GNPTG: variants seen among roughly 807,000 people sequenced by gnomAD.
GNPTG encodes the protein N-acetylglucosamine-1-phosphotransferase subunit gamma.
GNPTG carries 46 observed loss-of-function variants against 43.8 expected under a neutral mutation model. That is an observed-to-expected ratio of 1.05 (90% CI 0.83 to 1.34). GNPTG has a LOEUF of 1.34. Ranked by LOEUF, GNPTG falls within the 40% of genes most tolerant of loss-of-function variation. GNPTG has a pLI of 0.00. For missense variants in GNPTG, 549 were observed against 411.3 expected, an observed-to-expected ratio of 1.33 and a Z score of -2.90; for synonymous variants, 250 against 172.8, an observed-to-expected ratio of 1.45 and a Z score of -3.50.
rs2034901171 is a variant in GNPTG, at chr16:1,362,131, G to A, written c.411G>A (p.Lys137=). ...DACRSRSRQS[K]VELACGKSNR... ...GCCGTTCCCGGAGCCGGCAGAGCAA[G>A]GTGGGGCCTCAGACGGGAGCCCGGG... Residue 137 remains lysine, a splice_region_variant and synonymous_variant, in exon 6 of 11, where the codon AAG becomes AAA. Transcript: ENST00000204679. 6.2e-7 allele frequency: 1 copy of A among 1,612,476 alleles called. No individual in the cohort carries two copies. Among genetic ancestry groups the A allele is most frequent in the African/African-American group, 1.3e-5 (1 of 74,908 alleles).
At chr16:1,359,915 T>C (rs1372573768) in intron 3 of GNPTG, among the ~76,000 whole-genome samples, 2 of 151,728 alleles carry the variant, frequency 1.3e-5, no homozygotes, top group Non-Finnish European at 2.9e-5. Context: ...TTTGAGACCA[T>C]CCTGGCCAAC....
In GNPTG at chr16:1,362,190, C is replaced by G. The variant is rs756307321; in HGVS notation, c.412-16C>G. Reference sequence around the variant, plus strand: ...CCCCAGTCTCCCCAACCCACCTACCCACGTTCCCTCCCCAGGTGGAGCTGG... The same window carrying G: ...CCCCAGTCTCCCCAACCCACCTACCGACGTTCCCTCCCCAGGTGGAGCTGG... On this transcript the variant is annotated splice_polypyrimidine_tract_variant and intron_variant, in intron 6 of 10. Coordinates refer to ENST00000204679, the MANE Select transcript of GNPTG (RefSeq NM_032520.5). 4 of 1,613,306 alleles carry G rather than the reference C, an allele frequency of 2.5e-6. No homozygotes were observed. Among genetic ancestry groups the G allele is most frequent in the Non-Finnish European group, 3.4e-6 (4 of 1,179,886 alleles).
intron 3 of GNPTG, among the ~76,000 whole-genome samples, chr16:1,355,302 C>CGG (rs2034757934): frequency 6.6e-6 from 1 of 152,158 alleles, no homozygotes; most frequent in South Asian, 2.1e-4. Context: ...ACGTGTGAGG[C>CGG]GGATTGTGTG....
rs78704578 is a variant in GNPTG, at chr16:1,356,270, G to A, written c.178+3964G>A. On this transcript the variant is annotated intron_variant, in intron 3 of 10. Transcript: ENST00000204679. ...GGGCCCGCGGGAGCCAAGGGCACCG[G>A]CGAGTGTCCTGGCCATGCAGGCCGT... Among the ~76,000 whole-genome samples the A allele has an allele frequency of 5.8e-3, 890 of 152,314 alleles. 2 individuals are homozygous for A. The highest frequency in any genetic ancestry group is 0.024 in the Middle Eastern group (7 of 294).
chr16:1,354,736 C>G (rs574718163), intron 3 of GNPTG, among the ~76,000 whole-genome samples: 2 of 152,140 alleles, frequency 1.3e-5, no homozygotes, highest in Non-Finnish European at 2.9e-5. Flanking sequence ...TGGAACAGTT[C>G]TCTTCCCACC....
Position 1,363,044 on chromosome 16 carries a change from T to G in GNPTG, c.871T>G (p.Ser291Ala). 1 of 1,613,928 alleles carries G rather than the reference T, an allele frequency of 6.2e-7. No individual in the cohort carries two copies. The highest frequency in any genetic ancestry group is 8.5e-7 in the Non-Finnish European group (1 of 1,180,008). ...GGGCCACGAGACGCCCAGAGCCAAGTCTCCAGAGCAGCTGCGGGGTGACCC... is the reference window on the plus strand; with the variant it reads ...GGGCCACGAGACGCCCAGAGCCAAGGCTCCAGAGCAGCTGCGGGGTGACCC... ...HLGHETPRAKSPEQLRGDPGL... is the reference protein window; with the variant it reads ...HLGHETPRAKAPEQLRGDPGL... Residue 291 changes from serine (S) to alanine (A), a missense_variant, in exon 11 of 11, where the codon TCT becomes GCT. Transcript: ENST00000204679.
At position 1,361,905 on chromosome 16, in the gene GNPTG, G is replaced by C; in HGVS notation, c.267G>C (p.Val89=). ...ATGAGTTCTGCCCGTTCCACAACGT[G>C]ACCCAGCACGAGCAGACCTTCCGCT... ...YKYEFCPFHN[V]TQHEQTFRWN... is the part of the protein sequence containing the mutation. Residue 89 remains valine (V), a synonymous_variant, in exon 5 of 11, where the codon GTG becomes GTC. Coordinates refer to ENST00000204679, the MANE Select transcript of GNPTG (RefSeq NM_032520.5). 6.2e-7 allele frequency: 1 copy of C among 1,613,826 alleles called. No individual in the cohort carries two copies. The highest frequency in any genetic ancestry group is 1.3e-5 in the African/African-American group (1 of 75,072).
At chr16:1,362,354 G>A (rs902030027) in intron 7 of GNPTG, 34 bp downstream of exon 7, 1 of 1,607,862 alleles carries the variant, frequency 6.2e-7, no homozygotes, top group African/African-American at 1.3e-5. Context: ...GCCCAGTGGG[G>A]TCAGCCGCGC....
chr16:1,356,518 G>C (rs973404164), intron 3 of GNPTG, among the ~76,000 whole-genome samples: 9 of 152,192 alleles, frequency 5.9e-5, no homozygotes, highest in African/African-American at 2.2e-4. Context: ...GCCGTGGCCG[G>C]GGTTCTGGTG....
chr16:1,362,310 C>T lies in GNPTG; in HGVS notation c.516C>T (p.His172=), dbSNP rs377440797. The change falls in exon 7 of 11, where the codon CAC becomes CAT. Residue 172 remains histidine, a synonymous_variant. Coordinates refer to ENST00000204679, the MANE Select transcript of GNPTG (RefSeq NM_032520.5). Reference sequence around the variant, plus strand: ...AGACCCCCCTCGTCTGCCACCCCCACGCCTTGCTAGGTAGGGGTGCGGGAC... The same window carrying T: ...AGACCCCCCTCGTCTGCCACCCCCATGCCTTGCTAGGTAGGGGTGCGGGAC... ...TFETPLVCHP[H]ALLVYPTLPE... 53 of 1,613,058 alleles carry T rather than the reference C, an allele frequency of 3.3e-5. No individual in the cohort carries two copies. The highest frequency in any genetic ancestry group is 1.5e-4 in the South Asian group (14 of 91,080).
intron 3 of GNPTG, among the ~76,000 whole-genome samples, chr16:1,354,907 G>C (rs2034748193): frequency 6.6e-6 from 1 of 152,124 alleles, no homozygotes; most frequent in East Asian, 1.9e-4. Context: ...CGTCTGTAGG[G>C]CCGGGCGTGG....
At chr16:1,359,295 C>CT (rs1476377924) in intron 3 of GNPTG, among the ~76,000 whole-genome samples, 2 of 151,842 alleles carry the variant, frequency 1.3e-5, no homozygotes, top group Non-Finnish European at 2.9e-5. Context: ...CATATAGAGT[C>CT]TAACTCTGTA....
chr16:1,361,500 C>T (rs1052741212), intron 3 of GNPTG: 12 of 469,874 alleles, frequency 2.6e-5, no homozygotes, highest in African/African-American at 7.9e-5. Flanking sequence ...AAAAATTAGC[C>T]GGGCATGGTG....
intron 9 of GNPTG, 32 bp from the exon 10 acceptor site, chr16:1,362,793 G>C (rs757938105): frequency 3.1e-6 from 5 of 1,613,944 alleles, no homozygotes; most frequent in East Asian, 2.2e-5. Flanking sequence ...CAGCACCTGG[G>C]CTTTCCCTTG....
chr16:1,362,934 G>A, intron 10 of GNPTG, 28 bp downstream of exon 10: 2 of 1,613,652 alleles, frequency 1.2e-6, no homozygotes. Flanking sequence ...AGAGGGCCAG[G>A]CTCACCATCA....
At position 1,363,161 on chromosome 16, in the gene GNPTG, A is replaced by G; in HGVS notation, c.*70A>G. On this transcript the variant is annotated 3_prime_UTR_variant, in exon 11 of 11. Coordinates refer to ENST00000204679, the MANE Select transcript of GNPTG (RefSeq NM_032520.5). The stretch of plus-strand genomic sequence containing the variant: ...AGAGAAGCTGGCTGGTAGGACCCGC[A>G]GGGACCAGCTGACCAGGCTTGTGCT... 2 of 1,352,032 alleles carry G rather than the reference A, an allele frequency of 1.5e-6. No homozygotes were observed. The highest frequency in any genetic ancestry group is 2.1e-6 in the Non-Finnish European group (2 of 958,182). 83.8% of individuals were successfully genotyped at this position (1,352,032 alleles called of 1,614,324 possible).
At chr16:1,356,473 G>A (rs1340405814) in intron 3 of GNPTG, among the ~76,000 whole-genome samples, 5 of 152,208 alleles carry the variant, frequency 3.3e-5, no homozygotes, top group Non-Finnish European at 7.4e-5. Context: ...AGGAGGACAG[G>A]CTGCTGAAAC....
At position 1,363,064 on chromosome 16, in the gene GNPTG, T is replaced by TGA; in HGVS notation, c.892_893dup (p.Asp298GlufsTer37). On this transcript the variant is annotated frameshift_variant, in exon 11 of 11. Transcript: ENST00000204679. LOFTEE classifies it high-confidence loss of function. Reference sequence around the variant, plus strand: ...CCAAGTCTCCAGAGCAGCTGCGGGGTGACCCAGGACTGCGTGGGAGTTTGT... The same window carrying TGA: ...CCAAGTCTCCAGAGCAGCTGCGGGGTGAGACCCAGGACTGCGTGGGAGTTTGT... 1 of 1,613,824 alleles carries TGA rather than the reference T, an allele frequency of 6.2e-7. No homozygotes were observed. Among genetic ancestry groups the TGA allele is most frequent in the East Asian group, 2.2e-5 (1 of 44,852 alleles).
chr16:1,357,294 C>G (rs1019030310), intron 3 of GNPTG, among the ~76,000 whole-genome samples: 6 of 152,076 alleles, frequency 3.9e-5, no homozygotes, highest in East Asian at 1.9e-4. Context: ...AGGGGACAGC[C>G]CCAGGGGTGA....
Sources: allele counts gnomAD v4.1 joint callset (sites outside exome capture counted in the v4.1 genomes callset), GRCh38; gene constraint gnomAD v4.1.1; transcripts MANE v1.5; gene names NCBI Gene and HGNC (gene_info 2026-07-23, HGNC 2026-07-21).